FER: variants seen among roughly 807,000 people sequenced by gnomAD.
FER encodes the protein tyrosine-protein kinase Fer.
Under a neutral mutation model 111.0 loss-of-function variants are expected in FER, and 63 were observed. The ratio of observed to expected loss-of-function variants is 0.57; its 90% confidence interval spans 0.46 to 0.70. FER has a LOEUF of 0.70. Among genes scored for constraint, FER ranks in the 30% least tolerant of loss-of-function variants. The probability of loss-of-function intolerance (pLI) is 0.00; values close to 1 mark genes in which losing one functional copy is unlikely to be tolerated. For synonymous variants in FER, 327 were observed against 313.9 expected, an observed-to-expected ratio of 1.04 and a Z score of -0.44; for missense variants, 914 against 954.0, an observed-to-expected ratio of 0.96 and a Z score of 0.55.
At chr5:109,128,702 A>G (rs963550346) in intron 17 of FER, among the ~76,000 whole-genome samples, 4 of 152,154 alleles carry the variant, frequency 2.6e-5, no homozygotes, top group African/African-American at 4.8e-5. Flanking sequence ...GTAGGTGTCA[A>G]TGTACCTAAA....
chr5:109,012,853 A>T (rs991204258), intron 13 of FER, among the ~76,000 whole-genome samples: 3 of 152,190 alleles, frequency 2.0e-5, no homozygotes, highest in Non-Finnish European at 4.4e-5. Flanking sequence ...ATGATGAATA[A>T]TGAAATAAAA....
intron 17 of FER, among the ~76,000 whole-genome samples, chr5:109,135,290 A>G (rs554896141): frequency 6.6e-6 from 1 of 152,296 alleles, no homozygotes; most frequent in Non-Finnish European, 1.5e-5. Flanking sequence ...TCCTTGAAGG[A>G]TGTACAATTA....
chr5:108,918,250 G>T (rs771941441), intron 10 of FER, among the ~76,000 whole-genome samples: 7 of 152,114 alleles, frequency 4.6e-5, no homozygotes, highest in Non-Finnish European at 1.0e-4. Context: ...TTTCTTACTG[G>T]AGGCTTTCAT....
At chr5:109,007,471 A>G (rs530367673) in intron 13 of FER, among the ~76,000 whole-genome samples, 3 of 152,290 alleles carry the variant, frequency 2.0e-5, no homozygotes, top group African/African-American at 4.8e-5. Flanking sequence ...TTTCTAGTCA[A>G]CCCAGCTACT....
At chr5:109,127,112 A>C (rs896856961) in intron 17 of FER, among the ~76,000 whole-genome samples, 5 of 152,224 alleles carry the variant, frequency 3.3e-5, no homozygotes, top group African/African-American at 1.2e-4. Flanking sequence ...ACATGTTATA[A>C]ATATGTATTG....
chr5:108,754,450 G>T (rs1367882416), intron 1 of FER, among the ~76,000 whole-genome samples: 2 of 148,020 alleles, frequency 1.4e-5, no homozygotes, highest in African/African-American at 2.5e-5. Context: ...AGTATTGTTA[G>T]TAACAAGTAC....
At chr5:108,808,108 G>C (rs1757386064) in intron 3 of FER, among the ~76,000 whole-genome samples, 9 of 151,816 alleles carry the variant, frequency 5.9e-5, no homozygotes. Context: ...ATGATACATG[G>C]AATATTTCCT....
intron 10 of FER, among the ~76,000 whole-genome samples, chr5:108,944,705 C>A (rs908501342): frequency 6.6e-6 from 1 of 151,782 alleles, no homozygotes; most frequent in Non-Finnish European, 1.5e-5. Flanking sequence ...TTGTAGAAAT[C>A]TGGGCACCAA....
rs1411534599 is a variant in FER at position 109,195,656 on chromosome 5, T to C, written c.*8081T>C. 6.6e-6 allele frequency: 1 copy of C among 152,166 alleles called. No individual in the cohort carries two copies. Among genetic ancestry groups the C allele is most frequent in the Non-Finnish European group, 1.5e-5 (1 of 68,032 alleles). 9.4% of individuals were successfully genotyped at this position (152,166 alleles called of 1,614,324 possible). ...GAAACTCTTATACCTGCTGAGCATTTCACTTTACTATACAAAATGTCAGCT... is the reference window on the plus strand; with the variant it reads ...GAAACTCTTATACCTGCTGAGCATTCCACTTTACTATACAAAATGTCAGCT... On this transcript the variant is annotated 3_prime_UTR_variant, in exon 20 of 20. Coordinates refer to ENST00000281092, the MANE Select transcript of FER (RefSeq NM_005246.4).
intron 3 of FER, among the ~76,000 whole-genome samples, chr5:108,815,197 T>G (rs1758156826): frequency 6.6e-6 from 1 of 152,124 alleles, no homozygotes; most frequent in Admixed American, 6.6e-5. Flanking sequence ...AATAGGTGTA[T>G]TTTTGTAACA....
intron 2 of FER, among the ~76,000 whole-genome samples, chr5:108,769,436 T>C (rs1752660517): frequency 6.6e-6 from 1 of 151,878 alleles, no homozygotes; most frequent in African/African-American, 2.4e-5. Flanking sequence ...CAGATTTGAG[T>C]AGGAAGAGAT....
At chr5:108,888,537 G>A (rs1284258255) in intron 9 of FER, among the ~76,000 whole-genome samples, 1 of 151,610 alleles carries the variant, frequency 6.6e-6, no homozygotes, top group Non-Finnish European at 1.5e-5. Context: ...TTCAGACATA[G>A]GAAATAGCAC....
intron 1 of FER, among the ~76,000 whole-genome samples, chr5:108,767,870 A>G (rs1752492767): frequency 6.6e-6 from 1 of 152,232 alleles, no homozygotes; most frequent in Non-Finnish European, 1.5e-5. Flanking sequence ...GTTGGAGGAG[A>G]AGGTAACAAT....
intron 13 of FER, among the ~76,000 whole-genome samples, chr5:108,984,869 A>G (rs1366840064): frequency 6.6e-6 from 1 of 152,124 alleles, no homozygotes; most frequent in Non-Finnish European, 1.5e-5. Flanking sequence ...TTAGAATTAC[A>G]TATAAAATCA....
At chr5:108,770,607 C>T (rs1752799035) in intron 2 of FER, among the ~76,000 whole-genome samples, 1 of 151,856 alleles carries the variant, frequency 6.6e-6, no homozygotes, top group Admixed American at 6.5e-5. Flanking sequence ...TTCTCCTGAG[C>T]TCAAGCCATC....
Position 108,863,340 on chromosome 5 carries a change from C to T in FER, c.482-4427C>T, listed in dbSNP as rs1054467224. Among the ~76,000 whole-genome samples, 7 of 152,150 alleles carry T rather than the reference C, an allele frequency of 4.6e-5. 1 individual carries two copies. In the South Asian group the frequency reaches 1.5e-3, roughly 32 times the overall value. ...TTCACTGTGTTGGCCAGGCTGGCCT[C>T]GAACTCCTGACCTCAAGTAATCCGC... On this transcript the variant is annotated intron_variant, in intron 5 of 19. Coordinates refer to ENST00000281092, the MANE Select transcript of FER (RefSeq NM_005246.4).
chr5:108,818,918 A>C (rs1758550963), intron 3 of FER, among the ~76,000 whole-genome samples: 1 of 152,222 alleles, frequency 6.6e-6, no homozygotes, highest in Non-Finnish European at 1.5e-5. Flanking sequence ...ATGGCTCTTC[A>C]CTTCTAATTT....
At chr5:108,899,589 G>C (rs967034038) in intron 10 of FER, among the ~76,000 whole-genome samples, 1 of 151,862 alleles carries the variant, frequency 6.6e-6, no homozygotes, top group Admixed American at 6.6e-5. Context: ...ACAAGGTCAG[G>C]AGATCGAGAC....
At chr5:109,098,111 G>C (rs1240207068) in intron 16 of FER, among the ~76,000 whole-genome samples, 1 of 151,782 alleles carries the variant, frequency 6.6e-6, no homozygotes, top group African/African-American at 2.4e-5. Context: ...CTATGTTACA[G>C]TATTTGGAAA....
Sources: gnomAD v4.1 joint callset for allele counts (sites outside exome capture counted in the v4.1 genomes callset) on GRCh38, gnomAD v4.1.1 for gene constraint, MANE v1.5 for transcripts, NCBI Gene and HGNC (gene_info 2026-07-23, HGNC 2026-07-21) for gene names.